Variants in RYR3 observed in about 807,000 individuals in gnomAD.
The protein encoded by RYR3 is brain ryanodine receptor-calcium release channel.
A neutral mutation model predicts 584.3 loss-of-function variants in RYR3; 207 were observed. That is an observed-to-expected ratio of 0.35 (90% CI 0.32 to 0.40). RYR3 has a LOEUF of 0.40. Among genes scored for constraint, RYR3 ranks in the 10% least tolerant of loss-of-function variants. RYR3 has a pLI of 1.00. For synonymous variants in RYR3, 2,416 were observed against 2,248.5 expected, an observed-to-expected ratio of 1.07 and a Z score of -2.11; for missense variants, 5,616 against 6,089.2, an observed-to-expected ratio of 0.92 and a Z score of 2.59.
intron 31 of RYR3, among the ~76,000 whole-genome samples, chr15:33,651,782 G>C (rs2062487834): frequency 6.6e-6 from 1 of 152,172 alleles, no homozygotes; most frequent in South Asian, 2.1e-4. Flanking sequence ...CTTGCATCAG[G>C]TATAGCATCA....
rs961038301 is a variant in RYR3, at chr15:33,338,115, T to A, written c.51+27019T>A. Among the ~76,000 whole-genome samples the A allele has an allele frequency of 3.4e-4, 51 of 151,942 alleles. 1 individual carries two copies. Among genetic ancestry groups the A allele is most frequent in the African/African-American group, 1.2e-3 (51 of 41,350 alleles). On this transcript the variant is annotated intron_variant, in intron 1 of 103. Coordinates refer to ENST00000634891, the MANE Select transcript of RYR3 (RefSeq NM_001036.6). Reference sequence around the variant, plus strand: ...GCCCGCCACCACGCCCGGCTAAGTTTCTTGTATTTTTAGTAGAGTCGGGGT... The same window carrying A: ...GCCCGCCACCACGCCCGGCTAAGTTACTTGTATTTTTAGTAGAGTCGGGGT...
At chr15:33,441,155 G>A (rs1244437548) in intron 1 of RYR3, among the ~76,000 whole-genome samples, 1 of 152,176 alleles carries the variant, frequency 6.6e-6, no homozygotes, top group Non-Finnish European at 1.5e-5. Context: ...CTGAAAACAG[G>A]GCTGAGTGAA....
At chr15:33,547,267 G>A (rs781041941) in intron 8 of RYR3, among the ~76,000 whole-genome samples, 1 of 152,188 alleles carries the variant, frequency 6.6e-6, no homozygotes, top group African/African-American at 2.4e-5. Flanking sequence ...AGGCAAGACG[G>A]AGAAAGCATA....
chr15:33,375,411 A>G (rs554955014), intron 1 of RYR3, among the ~76,000 whole-genome samples: 26 of 152,264 alleles, frequency 1.7e-4, no homozygotes, highest in African/African-American at 4.6e-4. Context: ...ACGGGGAGAG[A>G]TATGGGGAGG....
At chr15:33,385,381 G>T (rs2041516398) in intron 1 of RYR3, among the ~76,000 whole-genome samples, 1 of 152,054 alleles carries the variant, frequency 6.6e-6, no homozygotes, top group Non-Finnish European at 1.5e-5. Flanking sequence ...CCCTGAAAAT[G>T]CCAGGATACT....
chr15:33,438,134 T>A (rs958111207), intron 1 of RYR3, among the ~76,000 whole-genome samples: 2 of 152,206 alleles, frequency 1.3e-5, no homozygotes, highest in Admixed American at 1.3e-4. Context: ...ATTTACATAG[T>A]CATTACCTCA....
At chr15:33,852,986 T>C in intron 94 of RYR3, 59 bp from the exon 95 acceptor site, 6 of 1,440,006 alleles carry the variant, frequency 4.2e-6, no homozygotes, top group Non-Finnish European at 5.8e-6. Context: ...AAACGTTTCT[T>C]GATGTGTTTT....
At chr15:33,805,683 T>A (rs551731626) in intron 69 of RYR3, among the ~76,000 whole-genome samples, 1 of 151,700 alleles carries the variant, frequency 6.6e-6, no homozygotes, top group Admixed American at 6.6e-5. Context: ...TTCACTGTGT[T>A]AGCCAGGATG....
chr15:33,649,290 C>G (rs966834637), intron 31 of RYR3, 55 bp downstream of exon 31: 25 of 1,539,586 alleles, frequency 1.6e-5, no homozygotes, highest in South Asian at 3.5e-5. Flanking sequence ...GTCCCTCCCC[C>G]CAGTCTTTTT....
Position 33,543,606 on chromosome 15 carries a change from T to A in RYR3, c.647-16T>A. ...AAACTTCCCATCATTCACAGTAGAATATAATTCTCTTACAGGATACCTACT... is the reference window on the plus strand; with the variant it reads ...AAACTTCCCATCATTCACAGTAGAAAATAATTCTCTTACAGGATACCTACT... On this transcript the variant is annotated splice_polypyrimidine_tract_variant and intron_variant, in intron 7 of 103. Transcript: ENST00000634891. The A allele has an allele frequency of 2.0e-6, 3 of 1,505,516 alleles. No individual in the cohort carries two copies. The allele number at this position is 1,505,516 out of a possible 1,614,324, so 93.3% of individuals were successfully genotyped here.
intron 19 of RYR3, among the ~76,000 whole-genome samples, chr15:33,623,241 G>A (rs904750422): frequency 6.6e-6 from 1 of 152,224 alleles, no homozygotes; most frequent in Non-Finnish European, 1.5e-5. Context: ...GGGGAATGCG[G>A]TCTCCACAGT....
intron 89 of RYR3, 125 bp downstream of exon 89, chr15:33,839,083 T>TGTGATTACGCTGATCTTATA: frequency 1.7e-6 from 2 of 1,198,346 alleles, no homozygotes; most frequent in Non-Finnish European, 2.3e-6. Context: ...GTGGCTGTGG[T>TGTGATTACGCTGATCTTATA]GTGATTACGC....
At chr15:33,447,865 T>C (rs1046672086) in intron 1 of RYR3, among the ~76,000 whole-genome samples, 1 of 152,192 alleles carries the variant, frequency 6.6e-6, no homozygotes, top group Non-Finnish European at 1.5e-5. Context: ...ATAAGTACCA[T>C]TTAGCATGCA....
At chr15:33,476,385 A>G (rs557993243) in intron 2 of RYR3, among the ~76,000 whole-genome samples, 1 of 152,368 alleles carries the variant, frequency 6.6e-6, no homozygotes, top group Admixed American at 6.5e-5. Context: ...CTAAATTTCA[A>G]GCAAGATAAG....
chr15:33,789,624 T>TTTTATATATATATATATATA (rs1258454158), intron 67 of RYR3, among the ~76,000 whole-genome samples: 9 of 11,692 alleles, frequency 7.7e-4, no homozygotes, highest in Non-Finnish European at 8.6e-4. Flanking sequence ...AGGTTTTATT[T>TTTTATATATATATATATATA]TATATATATA....
At chr15:33,670,207 T>C (rs890564357) in intron 37 of RYR3, among the ~76,000 whole-genome samples, 1 of 149,542 alleles carries the variant, frequency 6.7e-6, no homozygotes, top group African/African-American at 2.4e-5. Context: ...AGGATTAAAC[T>C]TACTTGTTGT....
At chr15:33,488,181 A>G (rs551752484) in intron 2 of RYR3, among the ~76,000 whole-genome samples, 2 of 152,290 alleles carry the variant, frequency 1.3e-5, no homozygotes, top group East Asian at 3.9e-4. Context: ...TTTAAAGGCA[A>G]TCTGTACCTT....
intron 1 of RYR3, among the ~76,000 whole-genome samples, chr15:33,451,799 T>C (rs2047155780): frequency 6.6e-6 from 1 of 152,262 alleles, no homozygotes; most frequent in Non-Finnish European, 1.5e-5. Context: ...TCATGTATGA[T>C]TGTTATTCTT....
At chr15:33,547,381 T>C (rs1560966) in intron 8 of RYR3, among the ~76,000 whole-genome samples, 132,558 of 152,186 alleles carry the variant, frequency 0.87, 58,413 homozygotes, top group Middle Eastern at 0.98. Flanking sequence ...AAGGTGAAAT[T>C]CAAATAAAGT....
Sources: allele counts gnomAD v4.1 joint callset (sites outside exome capture counted in the v4.1 genomes callset), GRCh38; gene constraint gnomAD v4.1.1; transcripts MANE v1.5; gene names NCBI Gene and HGNC (gene_info 2026-07-23, HGNC 2026-07-21).